The following ERC2 variants were observed in gnomAD, a reference collection of about 807,000 sequenced individuals.
ERC2 encodes the protein ERC protein 2.
In ERC2, 42 loss-of-function variants were observed where a neutral mutation model predicts 114.8. The ratio of observed to expected loss-of-function variants is 0.37; its 90% confidence interval spans 0.29 to 0.47. The LOEUF (loss-of-function observed/expected upper bound fraction) is 0.47, where lower values mean the gene tolerates loss of function less well. Ranked by LOEUF, ERC2 falls within the 20% of genes least tolerant of loss-of-function variation. The probability of loss-of-function intolerance (pLI) is 0.99; values close to 1 mark genes in which losing one functional copy is unlikely to be tolerated. For missense variants in ERC2, 939 were observed against 1,150.7 expected (o/e 0.82, Z 2.66); for synonymous variants, 454 against 425.5 (o/e 1.07, Z -0.82).
chr3:56,123,960 T>C (rs1415851549), intron 6 of ERC2, among the ~76,000 whole-genome samples: 1 of 152,196 alleles, frequency 6.6e-6, no homozygotes, highest in Non-Finnish European at 1.5e-5. Flanking sequence ...CTCAGCCAAT[T>C]TGTATTACAG....
intron 2 of ERC2, among the ~76,000 whole-genome samples, chr3:56,415,151 G>A (rs1259972927): frequency 6.6e-6 from 1 of 152,138 alleles, no homozygotes; most frequent in Non-Finnish European, 1.5e-5. Flanking sequence ...TAGGCATCCT[G>A]GCCTCATGAG....
chr3:55,631,595 A>G (rs1435554627), intron 17 of ERC2, among the ~76,000 whole-genome samples: 3 of 152,198 alleles, frequency 2.0e-5, no homozygotes, highest in Non-Finnish European at 4.4e-5. Context: ...GTTTCTTCCT[A>G]TTGTGGAGTC....
intron 1 of ERC2, among the ~76,000 whole-genome samples, chr3:56,437,164 C>G (rs2062059713): frequency 6.6e-6 from 1 of 152,208 alleles, no homozygotes; most frequent in African/African-American, 2.4e-5. Flanking sequence ...TACTCTCTTG[C>G]TCATTTTCCT....
In ERC2 at chr3:55,682,497, C is replaced by G. The variant is rs543013468; in HGVS notation, c.*39+1297G>C. On this transcript the variant is annotated intron_variant, in intron 17 of 17. Transcript: ENST00000288221. ...CCCCCTCAGTACCAAAAAAAGCAAA[C>G]TGACCCATTAGTGGGACATGTAACA... Among the ~76,000 whole-genome samples, 70 of 152,314 alleles carry G rather than the reference C, an allele frequency of 4.6e-4. 1 individual carries two copies. In the South Asian group the frequency reaches 0.014, roughly 31 times the overall value.
chr3:55,754,187 T>C (rs1350106443), intron 14 of ERC2, among the ~76,000 whole-genome samples: 2 of 152,152 alleles, frequency 1.3e-5, no homozygotes, highest in African/African-American at 4.8e-5. Context: ...TATTTTTTTT[T>C]TTGAGAAAAC....
intron 17 of ERC2, among the ~76,000 whole-genome samples, chr3:55,650,853 T>G (rs2590723): frequency 7.2e-6 from 1 of 139,722 alleles, no homozygotes. Flanking sequence ...TTTTTTTTTC[T>G]TTTTTTTTTT....
intron 2 of ERC2, among the ~76,000 whole-genome samples, chr3:56,417,189 G>A (rs2061198996): frequency 6.6e-6 from 1 of 152,166 alleles, no homozygotes; most frequent in Non-Finnish European, 1.5e-5. Context: ...TGGAAACCAT[G>A]TGATCTTTCT....
intron 17 of ERC2, among the ~76,000 whole-genome samples, chr3:55,540,294 G>A (rs2054308321): frequency 6.6e-6 from 1 of 152,102 alleles, no homozygotes; most frequent in South Asian, 2.1e-4. Flanking sequence ...TGGGGAACTG[G>A]GGAGCAAGTT....
chr3:56,305,878 T>C (rs1386694979), intron 2 of ERC2, among the ~76,000 whole-genome samples: 1 of 152,134 alleles, frequency 6.6e-6, no homozygotes, highest in Non-Finnish European at 1.5e-5. Context: ...TGAGACAAAG[T>C]CTCATCTGTG....
intron 13 of ERC2, among the ~76,000 whole-genome samples, chr3:55,921,496 G>T (rs531950391): frequency 8.0e-4 from 121 of 152,164 alleles, no homozygotes; most frequent in African/African-American, 2.8e-3. Flanking sequence ...TTCTCAATAT[G>T]ACAGTTCAAA....
chr3:55,706,110 G>C (rs1417008676), intron 15 of ERC2, among the ~76,000 whole-genome samples: 1 of 152,134 alleles, frequency 6.6e-6, no homozygotes, highest in African/African-American at 2.4e-5. Context: ...CTCTAAATCT[G>C]TGAGGGAAGG....
intron 14 of ERC2, among the ~76,000 whole-genome samples, chr3:55,865,567 AT>A (rs904211676): frequency 5.9e-5 from 9 of 151,858 alleles, no homozygotes; most frequent in African/African-American, 1.9e-4. Flanking sequence ...AATTTTAGGA[AT>A]TTTTTTTCAC....
intron 17 of ERC2, among the ~76,000 whole-genome samples, chr3:55,660,822 C>T (rs576403979): frequency 2.0e-5 from 3 of 152,196 alleles, no homozygotes; most frequent in East Asian, 3.9e-4. Flanking sequence ...CCTCTGTGAG[C>T]CTCAATCAGG....
At chr3:55,788,471 G>C (rs555045156) in intron 14 of ERC2, among the ~76,000 whole-genome samples, 1 of 152,302 alleles carries the variant, frequency 6.6e-6, no homozygotes, top group South Asian at 2.1e-4. Flanking sequence ...AGCATAAAAA[G>C]ACCTTGATCT....
chr3:55,845,920 T>C (rs2061343932), intron 14 of ERC2, among the ~76,000 whole-genome samples: 1 of 152,212 alleles, frequency 6.6e-6, no homozygotes, highest in Non-Finnish European at 1.5e-5. Context: ...GGACAGAAAG[T>C]TATAAGGAAT....
At chr3:55,879,751 C>T (rs2063033597) in intron 14 of ERC2, among the ~76,000 whole-genome samples, 1 of 152,178 alleles carries the variant, frequency 6.6e-6, no homozygotes, top group African/African-American at 2.4e-5. Context: ...CTGCCAATTG[C>T]CCCCAATATC....
At chr3:55,719,870 T>C (rs2064349842) in intron 15 of ERC2, among the ~76,000 whole-genome samples, 1 of 152,034 alleles carries the variant, frequency 6.6e-6, no homozygotes, top group African/African-American at 2.4e-5. Context: ...CAAACATCAT[T>C]GTTGGATGGG....
At chr3:55,659,644 A>T (rs1330638657) in intron 17 of ERC2, among the ~76,000 whole-genome samples, 3 of 152,062 alleles carry the variant, frequency 2.0e-5, no homozygotes, top group African/African-American at 7.2e-5. Flanking sequence ...ATGGTTTCCA[A>T]GTCCCCTTAT....
intron 2 of ERC2, among the ~76,000 whole-genome samples, chr3:56,302,346 G>A (rs1042452309): frequency 6.6e-6 from 1 of 152,158 alleles, no homozygotes; most frequent in South Asian, 2.1e-4. Context: ...GAGGATGAGA[G>A]ATACCTAAGT....
Sources: allele counts gnomAD v4.1 joint callset (sites outside exome capture counted in the v4.1 genomes callset), GRCh38; gene constraint gnomAD v4.1.1; transcripts MANE v1.5; gene names NCBI Gene and HGNC (gene_info 2026-07-23, HGNC 2026-07-21).